The following DLG2 variants were observed in gnomAD, a reference collection of about 807,000 sequenced individuals.
DLG2 encodes disks large homolog 2.
In DLG2, 45 loss-of-function variants were observed where a neutral mutation model predicts 132.5. That is an observed-to-expected ratio of 0.34 (90% CI 0.27 to 0.44). The LOEUF is 0.44. Ranked by LOEUF, DLG2 falls within the 20% of genes least tolerant of loss-of-function variation. The pLI is 1.00. For missense variants in DLG2, 1,045 were observed against 1,196.9 expected (o/e 0.87, Z 1.87); for synonymous variants, 424 against 419.6 (o/e 1.01, Z -0.13).
intron 9 of DLG2, among the ~76,000 whole-genome samples, chr11:84,152,090 T>C (rs73515782): frequency 0.024 from 3,619 of 152,296 alleles, 143 homozygotes; most frequent in African/African-American, 0.082. Flanking sequence ...TTTAAGTTCA[T>C]GATTCCTTTC....
At chr11:83,563,160 G>A (rs576982106) in intron 19 of DLG2, among the ~76,000 whole-genome samples, 21 of 151,738 alleles carry the variant, frequency 1.4e-4, no homozygotes, top group African/African-American at 4.6e-4. Flanking sequence ...TATTTTTTTA[G>A]TAGAGACAGG....
At chr11:85,063,860 A>G (rs1272291758) in intron 6 of DLG2, among the ~76,000 whole-genome samples, 1 of 151,904 alleles carries the variant, frequency 6.6e-6, no homozygotes, top group Non-Finnish European at 1.5e-5. Flanking sequence ...TTTGACATTT[A>G]TTAACCATCT....
At chr11:83,837,014 T>C (rs573914039) in intron 16 of DLG2, among the ~76,000 whole-genome samples, 261 of 152,194 alleles carry the variant, frequency 1.7e-3, no homozygotes, top group African/African-American at 6.0e-3. Flanking sequence ...CTAACACCAA[T>C]CGGGGAGAGA....
intron 6 of DLG2, among the ~76,000 whole-genome samples, chr11:85,056,184 A>T (rs1461315191): frequency 6.6e-6 from 1 of 152,136 alleles, no homozygotes; most frequent in Non-Finnish European, 1.5e-5. Flanking sequence ...AAATAACCAT[A>T]ATCGACATGG....
At chr11:84,536,694 G>A (rs2099356334) in intron 6 of DLG2, among the ~76,000 whole-genome samples, 1 of 152,156 alleles carries the variant, frequency 6.6e-6, no homozygotes, top group Non-Finnish European at 1.5e-5. Flanking sequence ...TACCATCTAT[G>A]TTGTCATCTG....
chr11:85,423,340 G>C (rs1053615195), intron 3 of DLG2, among the ~76,000 whole-genome samples: 5 of 152,204 alleles, frequency 3.3e-5, no homozygotes, highest in African/African-American at 4.8e-5. Flanking sequence ...GTGGCAGGTG[G>C]ATGTACTGGA....
chr11:84,403,722 C>T (rs1367037204), intron 7 of DLG2, among the ~76,000 whole-genome samples: 1 of 152,216 alleles, frequency 6.6e-6, no homozygotes, highest in Non-Finnish European at 1.5e-5. Flanking sequence ...CTATTTCTCA[C>T]TCATTTGATT....
chr11:84,174,783 C>T (rs554426247), intron 8 of DLG2, among the ~76,000 whole-genome samples: 53 of 152,230 alleles, frequency 3.5e-4, no homozygotes, highest in Admixed American at 8.5e-4. Flanking sequence ...AATCATAACC[C>T]TGTTATCTCC....
intron 6 of DLG2, among the ~76,000 whole-genome samples, chr11:85,000,228 T>C (rs1165694346): frequency 6.6e-6 from 1 of 152,192 alleles, no homozygotes; most frequent in African/African-American, 2.4e-5. Context: ...ACAGTATTTT[T>C]TTCCAAAATA....
chr11:84,789,891 C>G (rs2073540604), intron 6 of DLG2, among the ~76,000 whole-genome samples: 1 of 152,102 alleles, frequency 6.6e-6, no homozygotes, highest in Non-Finnish European at 1.5e-5. Context: ...CCAATTCTAT[C>G]CATGTTATTT....
chr11:84,772,549 A>G (rs954294074), intron 6 of DLG2, among the ~76,000 whole-genome samples: 1 of 152,188 alleles, frequency 6.6e-6, no homozygotes, highest in Non-Finnish European at 1.5e-5. Context: ...CTTGGCCACA[A>G]AACAAGTCTA....
chr11:83,981,670 C>T (rs1291758304), intron 11 of DLG2, among the ~76,000 whole-genome samples: 1 of 152,104 alleles, frequency 6.6e-6, no homozygotes, highest in Non-Finnish European at 1.5e-5. Context: ...CTCCTGACCT[C>T]AGGTGATCCA....
chr11:85,153,974 C>G (rs2077427208), intron 5 of DLG2, among the ~76,000 whole-genome samples: 1 of 151,892 alleles, frequency 6.6e-6, no homozygotes, highest in Admixed American at 6.6e-5. Context: ...ATTTAGCTGC[C>G]TGGAAGGTTG....
chr11:84,843,631 T>C (rs2080994169), intron 6 of DLG2, among the ~76,000 whole-genome samples: 2 of 151,896 alleles, frequency 1.3e-5, no homozygotes, highest in Admixed American at 6.6e-5. Context: ...TATTTGCATA[T>C]AACCTATACA....
At chr11:84,007,484 G>T (rs2094627333) in intron 11 of DLG2, among the ~76,000 whole-genome samples, 1 of 151,386 alleles carries the variant, frequency 6.6e-6, no homozygotes, top group Admixed American at 6.6e-5. Context: ...ATATCCAATT[G>T]TACAAGGCTT....
At chr11:85,529,184 G>T (rs1053296437) in intron 3 of DLG2, among the ~76,000 whole-genome samples, 1 of 152,172 alleles carries the variant, frequency 6.6e-6, no homozygotes, top group Non-Finnish European at 1.5e-5. Flanking sequence ...TTTGAGAAAT[G>T]TAGGAGCATA....
intron 6 of DLG2, among the ~76,000 whole-genome samples, chr11:84,569,919 T>G (rs2099474092): frequency 6.6e-6 from 1 of 152,202 alleles, no homozygotes; most frequent in Non-Finnish European, 1.5e-5. Flanking sequence ...GCTACCTCTA[T>G]TTTGATTTCC....
chr11:84,916,346 C>T (rs1178102556), intron 6 of DLG2, among the ~76,000 whole-genome samples: 1 of 7,594 alleles, frequency 1.3e-4, no homozygotes, highest in Non-Finnish European at 2.3e-4. Flanking sequence ...GAGACTCCGT[C>T]TCAAAAAAAA....
At chr11:83,906,316 CACA>C (rs1565586781) in intron 15 of DLG2, among the ~76,000 whole-genome samples, 6,438 of 96,942 alleles carry the variant, frequency 0.066, 360 homozygotes, top group Middle Eastern at 0.13. Context: ...CACACACACA[CACA>C]CCTCGGCCTC....
Sources: allele counts gnomAD v4.1 joint callset (sites outside exome capture counted in the v4.1 genomes callset), GRCh38; gene constraint gnomAD v4.1.1; transcripts MANE v1.5; gene names NCBI Gene and HGNC (gene_info 2026-07-23, HGNC 2026-07-21).